ASH1L: variants seen among roughly 807,000 people sequenced by gnomAD.
The protein encoded by ASH1L is histone-lysine N-methyltransferase ASH1L.
ASH1L carries 23 observed loss-of-function variants against 269.0 expected under a neutral mutation model. That is an observed-to-expected ratio of 0.09 (90% CI 0.06 to 0.12). The LOEUF is 0.12. Among genes scored for constraint, ASH1L ranks in the 10% least tolerant of loss-of-function variants. The probability of loss-of-function intolerance (pLI) is 1.00; values close to 1 mark genes in which losing one functional copy is unlikely to be tolerated. For synonymous variants in ASH1L, 1,187 were observed against 1,253.5 expected (o/e 0.95, Z 1.12); for missense variants, 2,912 against 3,567.8 (o/e 0.82, Z 4.68).
At chr1:155,371,934 T>C (rs1160728299) in intron 10 of ASH1L, among the ~76,000 whole-genome samples, 1 of 151,938 alleles carries the variant, frequency 6.6e-6, no homozygotes, top group Admixed American at 6.6e-5. Flanking sequence ...CCTCAGGTGA[T>C]CCGCCTGCCT....
intron 12 of ASH1L, among the ~76,000 whole-genome samples, chr1:155,362,389 T>G (rs904644745): frequency 5.9e-5 from 9 of 151,356 alleles, no homozygotes; most frequent in Non-Finnish European, 1.5e-5. Context: ...TGAGACCTTA[T>G]CTTAATATAT....
chr1:155,345,173 T>C (rs71628657), intron 21 of ASH1L, among the ~76,000 whole-genome samples: 3 of 83,164 alleles, frequency 3.6e-5, no homozygotes, highest in South Asian at 1.0e-3. Context: ...GCCAGGATGG[T>C]CTTTTTTTTT....
Position 155,481,896 on chromosome 1 carries a change from G to A in ASH1L, c.974C>T (p.Pro325Leu). ...VFINKNLGKK[P>L]GTITTVGLLS... is the part of the protein sequence containing the mutation. ...CAGTCCTACTGTAGTGATAGTTCCT[G>A]GCTTTTTGCCTAAGTTTTTATTAAT... The change falls in exon 3 of 28, where the codon CCA (proline) becomes CTA (leucine). Residue 325 changes from proline to leucine, a missense_variant. Physicochemically the swap from Pro to Leu is moderately conservative, Grantham distance 98. Transcript: ENST00000392403. The A allele has an allele frequency of 6.2e-7, 1 of 1,614,108 alleles. No homozygotes were observed. Among genetic ancestry groups the A allele is most frequent in the Non-Finnish European group, 8.5e-7 (1 of 1,180,028 alleles).
chr1:155,403,137 A>G (rs1658994157), intron 6 of ASH1L, among the ~76,000 whole-genome samples: 1 of 151,806 alleles, frequency 6.6e-6, no homozygotes, highest in African/African-American at 2.4e-5. Context: ...GTGAGCCAAG[A>G]TCGTGCCATT....
intron 3 of ASH1L, among the ~76,000 whole-genome samples, chr1:155,470,933 A>C (rs1182126786): frequency 1.3e-5 from 2 of 152,198 alleles, no homozygotes; most frequent in Non-Finnish European, 2.9e-5. Flanking sequence ...AATACATAAA[A>C]TACTCCTAAA....
chr1:155,362,201 C>T (rs1243194504), intron 12 of ASH1L, among the ~76,000 whole-genome samples: 1 of 151,756 alleles, frequency 6.6e-6, no homozygotes, highest in African/African-American at 2.4e-5. Context: ...CGCCCAGCTA[C>T]TTTTTCATAT....
At chr1:155,485,740 T>G (rs2148744737) in intron 2 of ASH1L, among the ~76,000 whole-genome samples, 1 of 152,264 alleles carries the variant, frequency 6.6e-6, no homozygotes, top group Non-Finnish European at 1.5e-5. Context: ...CCTACAAACA[T>G]CGACAACCCA....
At chr1:155,449,722 T>C (rs535576841) in intron 4 of ASH1L, among the ~76,000 whole-genome samples, 2 of 152,108 alleles carry the variant, frequency 1.3e-5, no homozygotes, top group Non-Finnish European at 2.9e-5. Context: ...GGTTTCACCA[T>C]GTTAGCCAGG....
rs941957174 is a variant in ASH1L, at chr1:155,507,221, G to A, written c.420+13879C>T. 4.2e-4 allele frequency among the ~76,000 whole-genome samples: 64 copies of A among 151,680 alleles called. 1 individual carries two copies. Among genetic ancestry groups the A allele is most frequent in the African/African-American group, 1.3e-3 (53 of 41,334 alleles). Reference sequence around the variant, plus strand: ...CTTGAACCCAGGAGGTGGAGGTTGCGGTGTGCCGAGATCGCGCCATGGCAC... The same window carrying A: ...CTTGAACCCAGGAGGTGGAGGTTGCAGTGTGCCGAGATCGCGCCATGGCAC... On this transcript the variant is annotated intron_variant, in intron 2 of 27. Transcript: ENST00000392403.
intron 6 of ASH1L, among the ~76,000 whole-genome samples, chr1:155,414,666 C>T (rs73010909): frequency 0.056 from 8,500 of 152,202 alleles, 798 homozygotes; most frequent in African/African-American, 0.2. Context: ...ATATGTTCCT[C>T]ATCATATAAT....
chr1:155,432,747 C>T (rs1404578311), intron 5 of ASH1L, among the ~76,000 whole-genome samples: 2 of 151,962 alleles, frequency 1.3e-5, no homozygotes, highest in African/African-American at 2.4e-5. Context: ...CCTTTTTTGT[C>T]GTTGTTGAGA....
intron 5 of ASH1L, among the ~76,000 whole-genome samples, chr1:155,428,863 C>T (rs1030705624): frequency 6.6e-6 from 1 of 152,124 alleles, no homozygotes; most frequent in Non-Finnish European, 1.5e-5. Context: ...TTAATAAATA[C>T]GCGGGTAAAT....
intron 1 of ASH1L, among the ~76,000 whole-genome samples, chr1:155,531,642 T>C (rs186144008): frequency 9.3e-5 from 14 of 151,342 alleles, no homozygotes; most frequent in Non-Finnish European, 1.8e-4. Flanking sequence ...AACATTTATT[T>C]CCCCCCCTAA....
Position 155,368,277 on chromosome 1 carries a change from G to A in ASH1L, c.6686+2227C>T, listed in dbSNP as rs1390613393. On this transcript the variant is annotated intron_variant, in intron 12 of 27. Transcript: ENST00000392403. Reference sequence around the variant, plus strand: ...CTCCCAAAGTGCTGGGATTGCAGGTGTGAGCCACTGCACCCAGCCTATTTG... The same window carrying A: ...CTCCCAAAGTGCTGGGATTGCAGGTATGAGCCACTGCACCCAGCCTATTTG... 3.3e-5 allele frequency among the ~76,000 whole-genome samples: 5 copies of A among 152,232 alleles called. 1 individual carries two copies. Among genetic ancestry groups the A allele is most frequent in the Non-Finnish European group, 1.5e-5 (1 of 68,006 alleles).
At chr1:155,558,456 A>C (rs1671745130) in intron 1 of ASH1L, among the ~76,000 whole-genome samples, 1 of 152,044 alleles carries the variant, frequency 6.6e-6, no homozygotes, top group African/African-American at 2.4e-5. Flanking sequence ...GGACAACAAG[A>C]GCGAAACTCT....
chr1:155,491,976 T>C (rs1333019588), intron 2 of ASH1L, among the ~76,000 whole-genome samples: 1 of 151,708 alleles, frequency 6.6e-6, no homozygotes, highest in African/African-American at 2.4e-5. Flanking sequence ...CCCAGCTCTC[T>C]TTTTTTCATT....
At chr1:155,511,662 C>T (rs886477534) in intron 2 of ASH1L, among the ~76,000 whole-genome samples, 3 of 152,168 alleles carry the variant, frequency 2.0e-5, no homozygotes, top group Non-Finnish European at 2.9e-5. Flanking sequence ...TGAGCCACCA[C>T]ACCCAGCTAA....
In ASH1L at chr1:155,438,741, C is replaced by T. The variant is rs757302359; in HGVS notation, c.5414G>A (p.Arg1805His). 4 of 1,613,924 alleles carry T rather than the reference C, an allele frequency of 2.5e-6. No individual in the cohort carries two copies. The highest frequency in any genetic ancestry group is 2.2e-5 in the East Asian group (1 of 44,906). The change falls in exon 5 of 28, where the codon CGC (arginine) becomes CAC (histidine). Residue 1805 changes from arginine (R) to histidine (H), a missense_variant. This residue lies in a region of ASH1L where 789 missense variants were observed against 897.6 expected (regional missense o/e 0.88). Transcript: ENST00000392403. The stretch of plus-strand genomic sequence containing the variant: ...GTAATTGCACATTTTCCGAGCTTGG[C>T]GTTGCATAGCTTCCACTACACTTCT... ...IKRSVVEAMQRQARKMCNYDK... is the reference protein window; with the variant it reads ...IKRSVVEAMQHQARKMCNYDK...
chr1:155,455,459 T>C (rs1039738965), intron 4 of ASH1L, among the ~76,000 whole-genome samples: 10 of 140,136 alleles, frequency 7.1e-5, no homozygotes, highest in Admixed American at 6.5e-4. Context: ...AGGCATCTTA[T>C]CCAAAATACA....
Sources: allele counts gnomAD v4.1 joint callset (sites outside exome capture counted in the v4.1 genomes callset), GRCh38; gene constraint gnomAD v4.1.1; regional missense constraint gnomAD v4.1.1; transcripts MANE v1.5; gene names NCBI Gene and HGNC (gene_info 2026-07-23, HGNC 2026-07-21).